Variants in TENM2 observed in about 807,000 individuals in gnomAD.
TENM2 encodes the protein teneurin-2.
In TENM2, 52 loss-of-function variants were observed where a neutral mutation model predicts 245.2. The ratio of observed to expected loss-of-function variants is 0.21; its 90% CI spans 0.17 to 0.27. TENM2 has a LOEUF of 0.27. Among genes scored for constraint, TENM2 ranks in the 10% least tolerant of loss-of-function variants. The probability of loss-of-function intolerance (pLI) is 1.00; values close to 1 mark genes in which losing one functional copy is unlikely to be tolerated. For missense variants in TENM2, 3,046 were observed against 3,666.8 expected (o/e 0.83, Z 4.37); for synonymous variants, 1,363 against 1,438.9 (o/e 0.95, Z 1.19).
the TENM2 span, among the ~76,000 whole-genome samples, chr5:167,244,233 A>G: frequency 6.6e-6 from 1 of 152,196 alleles, no homozygotes; most frequent in African/African-American, 2.4e-5. Context: ...TTTTTACATC[A>G]CATTTTAATG....
At chr5:168,004,523 A>G (rs879433226) in intron 5 of TENM2, among the ~76,000 whole-genome samples, 2,162 of 102,862 alleles carry the variant, frequency 0.021, 17 homozygotes, top group Non-Finnish European at 0.031. Context: ...GCGCGCACAC[A>G]CACACACACA....
chr5:167,379,722 G>A (rs970441431), intron 2 of TENM2, among the ~76,000 whole-genome samples: 1 of 151,980 alleles, frequency 6.6e-6, no homozygotes, highest in Non-Finnish European at 1.5e-5. Context: ...CTAGCCAAAG[G>A]CCCATAATTT....
At chr5:167,001,167 C>A in the TENM2 span, among the ~76,000 whole-genome samples, 134,554 of 152,090 alleles carry the variant, frequency 0.88, 59,890 homozygotes, top group Middle Eastern at 0.93. Context: ...GATGAGAGGC[C>A]TTGACTAATG....
At chr5:167,149,430 A>G in the TENM2 span, among the ~76,000 whole-genome samples, 2 of 151,592 alleles carry the variant, frequency 1.3e-5, no homozygotes, top group Admixed American at 6.6e-5. Flanking sequence ...TATTATGTGG[A>G]ATATTTTAAA....
chr5:167,977,060 C>T (rs1782495009), intron 4 of TENM2, among the ~76,000 whole-genome samples: 1 of 152,134 alleles, frequency 6.6e-6, no homozygotes, highest in South Asian at 2.1e-4. Flanking sequence ...CAAACTAACA[C>T]AGGAACAGAA....
chr5:167,430,066 G>A (rs1410393376), intron 2 of TENM2, among the ~76,000 whole-genome samples: 4 of 152,110 alleles, frequency 2.6e-5, no homozygotes, highest in Non-Finnish European at 5.9e-5. Flanking sequence ...TAGACTGGTG[G>A]GGAGAGTACA....
At chr5:167,911,117 C>A (rs1167315460) in intron 3 of TENM2, among the ~76,000 whole-genome samples, 1 of 152,042 alleles carries the variant, frequency 6.6e-6, no homozygotes, top group East Asian at 1.9e-4. Flanking sequence ...TAGTAAGGTA[C>A]AATCATATCA....
the TENM2 span, among the ~76,000 whole-genome samples, chr5:167,273,125 A>G: frequency 6.6e-6 from 1 of 152,196 alleles, no homozygotes; most frequent in Non-Finnish European, 1.5e-5. Context: ...GTTACAGCTC[A>G]TAGGATTAGT....
chr5:168,064,999 T>G (rs1790373464), intron 7 of TENM2, among the ~76,000 whole-genome samples: 1 of 152,244 alleles, frequency 6.6e-6, no homozygotes. Context: ...GATAGGCGAC[T>G]GACGTCTCGA....
chr5:167,863,529 A>G (rs1583219020), intron 2 of TENM2, among the ~76,000 whole-genome samples: 1 of 152,136 alleles, frequency 6.6e-6, no homozygotes, highest in Non-Finnish European at 1.5e-5. Context: ...CTGTAATCCC[A>G]GCTAATTGGG....
At chr5:167,883,940 T>G (rs1237350420) in intron 3 of TENM2, among the ~76,000 whole-genome samples, 1 of 152,198 alleles carries the variant, frequency 6.6e-6, no homozygotes, top group Non-Finnish European at 1.5e-5. Flanking sequence ...CAGCCCTGGG[T>G]ACATCTCTTA....
chr5:168,147,229 G>A (rs180834563), intron 12 of TENM2, among the ~76,000 whole-genome samples: 4 of 152,312 alleles, frequency 2.6e-5, no homozygotes, highest in Admixed American at 1.3e-4. Flanking sequence ...AGATTAAGGC[G>A]TAAATTGAAC....
chr5:167,681,010 A>G (rs564064039), intron 2 of TENM2, among the ~76,000 whole-genome samples: 322 of 152,322 alleles, frequency 2.1e-3, no homozygotes, highest in Non-Finnish European at 3.3e-3. Flanking sequence ...TTGTGATTTG[A>G]GTTGCTAACT....
intron 2 of TENM2, among the ~76,000 whole-genome samples, chr5:167,436,947 G>A (rs1764595490): frequency 6.6e-6 from 1 of 152,188 alleles, no homozygotes; most frequent in South Asian, 2.1e-4. Context: ...TTGCTGCAGG[G>A]GCGAGCCCTC....
chr5:167,558,788 C>T (rs113060446), intron 2 of TENM2, among the ~76,000 whole-genome samples: 1 of 152,086 alleles, frequency 6.6e-6, no homozygotes, highest in East Asian at 1.9e-4. Context: ...CCGAAATCAT[C>T]CCCACCACCA....
chr5:167,414,985 T>G (rs1024326101), intron 2 of TENM2, among the ~76,000 whole-genome samples: 3 of 152,166 alleles, frequency 2.0e-5, no homozygotes, highest in African/African-American at 7.2e-5. Context: ...TAAGTTTCCA[T>G]CAGGCGGGTG....
At chr5:166,985,127 G>A in the TENM2 span, among the ~76,000 whole-genome samples, 1 of 152,106 alleles carries the variant, frequency 6.6e-6, no homozygotes, top group Admixed American at 6.6e-5. Flanking sequence ...AGGTGGTTTG[G>A]TTATAATTCA....
At chr5:167,974,691 T>C (rs957087293) in intron 4 of TENM2, among the ~76,000 whole-genome samples, 1 of 152,184 alleles carries the variant, frequency 6.6e-6, no homozygotes, top group Non-Finnish European at 1.5e-5. Flanking sequence ...TCATTTGCCT[T>C]AGGCTGCACA....
At chr5:167,834,818 T>G (rs1768835834) in intron 2 of TENM2, among the ~76,000 whole-genome samples, 1 of 151,852 alleles carries the variant, frequency 6.6e-6, no homozygotes, top group Non-Finnish European at 1.5e-5. Flanking sequence ...CCCAGCTAAT[T>G]TTTTTGTATT....
Sources: gnomAD v4.1 joint callset for allele counts (sites outside exome capture counted in the v4.1 genomes callset) on GRCh38, gnomAD v4.1.1 for gene constraint, MANE v1.5 for transcripts, NCBI Gene and HGNC (gene_info 2026-07-23, HGNC 2026-07-21) for gene names.